Variants in PPARGC1A observed in about 807,000 individuals in gnomAD.
PPARGC1A encodes PPARG coactivator 1 alpha, also known as peroxisome proliferator-activated receptor gamma coactivator 1-alpha.
A neutral mutation model predicts 88.7 loss-of-function variants in PPARGC1A; 25 were observed. The ratio of observed to expected loss-of-function variants is 0.28; its 90% CI spans 0.21 to 0.39. The LOEUF is 0.39. PPARGC1A is among the 10% of genes least tolerant of loss of function. PPARGC1A has a pLI of 1.00. For synonymous variants in PPARGC1A, 363 were observed against 355.6 expected (o/e 1.02, Z -0.24); for missense variants, 880 against 968.7 (o/e 0.91, Z 1.22).
At chr4:23,805,001 G>C (rs1719512921) in intron 10 of PPARGC1A, among the ~76,000 whole-genome samples, 1 of 152,158 alleles carries the variant, frequency 6.6e-6, no homozygotes, top group South Asian at 2.1e-4. Flanking sequence ...CTTCATGACA[G>C]TAGAGACCAT....
the PPARGC1A span, among the ~76,000 whole-genome samples, chr4:24,174,781 G>A: frequency 0.017 from 2,541 of 152,216 alleles, 77 homozygotes; most frequent in East Asian, 0.099. Context: ...CTCCACAGCC[G>A]ATGATCCAGG....
the PPARGC1A span, among the ~76,000 whole-genome samples, chr4:24,147,960 C>CAA: frequency 6.8e-6 from 1 of 147,780 alleles, no homozygotes; most frequent in East Asian, 2.0e-4. Flanking sequence ...AACAAACAAA[C>CAA]AAAAAAAATA....
the PPARGC1A span, among the ~76,000 whole-genome samples, chr4:24,207,464 G>A: frequency 7.1e-3 from 1,077 of 152,242 alleles, 11 homozygotes; most frequent in African/African-American, 0.024. Context: ...AGAAAATGGT[G>A]GAAATTTTCC....
chr4:24,155,109 G>C, the PPARGC1A span, among the ~76,000 whole-genome samples: 1 of 146,564 alleles, frequency 6.8e-6, no homozygotes, highest in Admixed American at 6.6e-5. Flanking sequence ...CTTTCTCTTC[G>C]AACCTCGGTT....
the PPARGC1A span, among the ~76,000 whole-genome samples, chr4:24,013,756 C>T: frequency 3.9e-5 from 6 of 152,210 alleles, no homozygotes; most frequent in Non-Finnish European, 8.8e-5. Context: ...AATAATTGCA[C>T]ATGTCCCATG....
the PPARGC1A span, among the ~76,000 whole-genome samples, chr4:23,911,978 T>A: frequency 6.6e-6 from 1 of 152,152 alleles, no homozygotes; most frequent in Non-Finnish European, 1.5e-5. Flanking sequence ...TCCCCAAACA[T>A]AACCAACTTC....
At chr4:24,403,565 T>C in the PPARGC1A span, among the ~76,000 whole-genome samples, 1 of 152,140 alleles carries the variant, frequency 6.6e-6, no homozygotes, top group Non-Finnish European at 1.5e-5. Flanking sequence ...TCATCTCTGA[T>C]TGAACAGAAA....
intron 2 of PPARGC1A, among the ~76,000 whole-genome samples, chr4:23,850,009 G>GA (rs1321783961): frequency 2.6e-5 from 4 of 151,938 alleles, no homozygotes; most frequent in South Asian, 2.1e-4. Context: ...AGAAAGAAAA[G>GA]AAAAAATCAG....
At chr4:24,346,454 G>A in the PPARGC1A span, among the ~76,000 whole-genome samples, 1 of 151,806 alleles carries the variant, frequency 6.6e-6, no homozygotes, top group Non-Finnish European at 1.5e-5. Flanking sequence ...TTTCAATCTC[G>A]CTGCTTGTTT....
chr4:23,817,265 T>C (rs1337838497), intron 7 of PPARGC1A, among the ~76,000 whole-genome samples: 1 of 152,084 alleles, frequency 6.6e-6, no homozygotes, highest in Non-Finnish European at 1.5e-5. Flanking sequence ...CCCAAGCTCA[T>C]TATCGCTTAA....
chr4:24,114,311 C>T, the PPARGC1A span, among the ~76,000 whole-genome samples: 1 of 152,152 alleles, frequency 6.6e-6, no homozygotes, highest in African/African-American at 2.4e-5. Flanking sequence ...CCGCTATGGT[C>T]TTTCACCCAA....
chr4:23,928,761 CAAAAAAAACA>C, the PPARGC1A span, among the ~76,000 whole-genome samples: 4 of 8,420 alleles, frequency 4.8e-4, no homozygotes, highest in African/African-American at 1.4e-3. Context: ...CACAAAAAAA[CAAAAAAAACA>C]AAAAAAAACA....
At chr4:24,418,037 T>C in the PPARGC1A span, among the ~76,000 whole-genome samples, 1 of 151,938 alleles carries the variant, frequency 6.6e-6, no homozygotes, top group Non-Finnish European at 1.5e-5. Flanking sequence ...AAGAATATTA[T>C]TCATTATATG....
the PPARGC1A span, among the ~76,000 whole-genome samples, chr4:24,081,364 C>T: frequency 1.4e-4 from 21 of 152,016 alleles, no homozygotes; most frequent in Non-Finnish European, 1.5e-4. Context: ...TTGAGGGAGA[C>T]GGTGTGCTTC....
At chr4:24,390,419 T>A in the PPARGC1A span, among the ~76,000 whole-genome samples, 2 of 152,050 alleles carry the variant, frequency 1.3e-5, no homozygotes, top group African/African-American at 4.8e-5. Flanking sequence ...ATAAAAACAT[T>A]TTTATTGTGG....
At chr4:24,324,696 G>T in the PPARGC1A span, among the ~76,000 whole-genome samples, 1 of 152,060 alleles carries the variant, frequency 6.6e-6, no homozygotes, top group Non-Finnish European at 1.5e-5. Context: ...AATTCTTGTC[G>T]TAAAATGGGC....
At chr4:24,284,288 G>A in the PPARGC1A span, among the ~76,000 whole-genome samples, 17 of 152,074 alleles carry the variant, frequency 1.1e-4, no homozygotes, top group Middle Eastern at 3.4e-3. Flanking sequence ...CAGCCTGGGC[G>A]ACAGAGCGAG....
chr4:24,403,625 C>T, the PPARGC1A span, among the ~76,000 whole-genome samples: 8 of 152,250 alleles, frequency 5.3e-5, no homozygotes, highest in African/African-American at 1.9e-4. Context: ...GGTCTCAAAA[C>T]AAAATACCCG....
At chr4:23,989,781 A>G in the PPARGC1A span, among the ~76,000 whole-genome samples, 1 of 151,760 alleles carries the variant, frequency 6.6e-6, no homozygotes. Context: ...GAACTTATTA[A>G]TGTATGAAAT....
Sources: allele counts gnomAD v4.1 joint callset (sites outside exome capture counted in the v4.1 genomes callset), GRCh38; gene constraint gnomAD v4.1.1; transcripts MANE v1.5; gene names NCBI Gene and HGNC (gene_info 2026-07-23, HGNC 2026-07-21).